The following MAP3K4 variants were observed in gnomAD, a reference collection of about 807,000 sequenced individuals.
MAP3K4 encodes MAP three kinase 1.
A neutral mutation model predicts 185.6 loss-of-function variants in MAP3K4; 67 were observed. The ratio of observed to expected loss-of-function variants is 0.36; its 90% CI spans 0.30 to 0.44. The LOEUF is 0.44. Ranked by LOEUF, MAP3K4 falls within the 20% of genes least tolerant of loss-of-function variation. The pLI is 1.00. For synonymous variants in MAP3K4, 702 were observed against 710.4 expected (o/e 0.99, Z 0.19); for missense variants, 1,551 against 1,995.1 (o/e 0.78, Z 4.24).
intron 2 of MAP3K4, among the ~76,000 whole-genome samples, chr6:161,039,353 A>G (rs1174466162): frequency 1.4e-5 from 2 of 147,266 alleles, no homozygotes; most frequent in Non-Finnish European, 3.0e-5. Flanking sequence ...AACTGAGGGG[A>G]CTATTTAGAG....
chr6:161,021,777 G>A (rs1020334431), intron 1 of MAP3K4, among the ~76,000 whole-genome samples: 5 of 152,170 alleles, frequency 3.3e-5, no homozygotes, highest in African/African-American at 1.2e-4. Flanking sequence ...CCTCTTGTCT[G>A]GTGGGGTCAT....
In MAP3K4 at chr6:161,087,743, A is replaced by G. The variant is rs1455838023; in HGVS notation, c.2612A>G (p.Glu871Gly). The G allele has an allele frequency of 6.2e-7, 1 of 1,613,990 alleles. No homozygotes were observed. Among genetic ancestry groups the G allele is most frequent in the Non-Finnish European group, 8.5e-7 (1 of 1,179,842 alleles). The change falls in exon 10 of 27, where the codon GAG becomes GGG. Residue 871 changes from glutamate (E) to glycine (G), a missense_variant. This residue lies in a region of MAP3K4 where 261 missense variants were observed against 306.5 expected (regional missense o/e 0.85). Coordinates refer to ENST00000392142, the MANE Select transcript of MAP3K4 (RefSeq NM_005922.4). This position sits in a 1 kb window ranked among gnomAD's most constrained non-coding sequence, Gnocchi z 4.9. ...LQMFVPDTLAEEKSIILQLLN... is the reference protein window; with the variant it reads ...LQMFVPDTLAGEKSIILQLLN... ...ATGTTTGTTCCAGACACTCTTGCTG[A>G]GGAGAAGAGTATTATTTTGCAGTTA...
intron 3 of MAP3K4, among the ~76,000 whole-genome samples, chr6:161,057,132 A>T (rs935100990): frequency 6.6e-6 from 1 of 152,200 alleles, no homozygotes; most frequent in Non-Finnish European, 1.5e-5. Context: ...AGAAACGATC[A>T]TGTAGTTATT....
rs1363468520 is a variant in MAP3K4 at position 161,093,392 on chromosome 6, G to C, written c.3348+336G>C. On this transcript the variant is annotated intron_variant, in intron 14 of 26. Transcript: ENST00000392142. This position sits in a 1 kb window ranked among gnomAD's most constrained non-coding sequence, Gnocchi z 5.2. Reference sequence around the variant, plus strand: ...TTTACCTCAGTGTGCATCATTTTGAGAGCATCATGCTCGTGTTAAATATTA... The same window carrying C: ...TTTACCTCAGTGTGCATCATTTTGACAGCATCATGCTCGTGTTAAATATTA... 6.6e-6 allele frequency among the ~76,000 whole-genome samples: 1 copy of C among 152,108 alleles called. No individual in the cohort carries two copies. Among genetic ancestry groups the C allele is most frequent in the Non-Finnish European group, 1.5e-5 (1 of 68,016 alleles).
chr6:161,055,984 T>A (rs566399629), intron 3 of MAP3K4, among the ~76,000 whole-genome samples: 2 of 152,220 alleles, frequency 1.3e-5, no homozygotes, highest in South Asian at 4.1e-4. Context: ...TTCTCATTTA[T>A]TTGGCCATTT....
Position 161,056,603 on chromosome 6 carries a change from C to T in MAP3K4, c.1707+6624C>T, listed in dbSNP as rs1372816596. 2.0e-5 allele frequency among the ~76,000 whole-genome samples: 3 copies of T among 152,172 alleles called. No homozygotes were observed. Among genetic ancestry groups the T allele is most frequent in the South Asian group, 2.1e-4 (1 of 4,832 alleles). On this transcript the variant is annotated intron_variant, in intron 3 of 26. Transcript: ENST00000392142. This position sits in a 1 kb window ranked among gnomAD's most constrained non-coding sequence, Gnocchi z 5.4. ...TACATGTTTGTTCAACCCTACCATACGTGTAAAGTAGTTTCAGAATTGCTA... is the reference window on the plus strand; with the variant it reads ...TACATGTTTGTTCAACCCTACCATATGTGTAAAGTAGTTTCAGAATTGCTA...
At chr6:161,035,212 A>G (rs1224952125) in intron 2 of MAP3K4, among the ~76,000 whole-genome samples, 1 of 152,166 alleles carries the variant, frequency 6.6e-6, no homozygotes, top group Non-Finnish European at 1.5e-5. Context: ...CCTAAAACAA[A>G]TGCCATATAT....
chr6:161,086,750 A>G lies in MAP3K4; in HGVS notation c.2556+83A>G. On this transcript the variant is annotated intron_variant, in intron 9 of 26. Transcript: ENST00000392142. This position sits in a 1 kb window ranked among gnomAD's most constrained non-coding sequence, Gnocchi z 4.8. Reference sequence around the variant, plus strand: ...CAGGCAGACTTTTTCTTGAAGGTCCAGATAGTAAATATTACAGGCTCTGAA... The same window carrying G: ...CAGGCAGACTTTTTCTTGAAGGTCCGGATAGTAAATATTACAGGCTCTGAA... 2.0e-5 allele frequency: 22 copies of G among 1,102,860 alleles called. No individual in the cohort carries two copies. Among genetic ancestry groups the G allele is most frequent in the Non-Finnish European group, 2.8e-5 (21 of 749,158 alleles). 68.3% of individuals were successfully genotyped at this position (1,102,860 alleles called of 1,614,324 possible).
intron 1 of MAP3K4, among the ~76,000 whole-genome samples, chr6:160,998,851 A>G (rs1350350125): frequency 6.6e-6 from 1 of 152,120 alleles, no homozygotes; most frequent in East Asian, 1.9e-4. Context: ...GCATTTTTAG[A>G]CCCCTGCAGA....
chr6:161,027,209 T>G (rs1402962804), intron 1 of MAP3K4, among the ~76,000 whole-genome samples: 1 of 152,216 alleles, frequency 6.6e-6, no homozygotes, highest in Non-Finnish European at 1.5e-5. Flanking sequence ...ATACAGAATG[T>G]GATACAGGCA....
Position 161,082,799 on chromosome 6 carries a change from G to C in MAP3K4, c.2256-1702G>C, listed in dbSNP as rs568820548. Among the ~76,000 whole-genome samples the C allele has an allele frequency of 6.6e-6, 1 of 152,232 alleles. No homozygotes were observed. Among genetic ancestry groups the C allele is most frequent in the African/African-American group, 2.4e-5 (1 of 41,538 alleles). On this transcript the variant is annotated intron_variant, in intron 6 of 26. Coordinates refer to ENST00000392142, the MANE Select transcript of MAP3K4 (RefSeq NM_005922.4). The surrounding 1 kb of genome is among the most constrained non-coding windows in gnomAD (Gnocchi z 4.2). ...GTCATTTCTCACGTATGTTATTGCA[G>C]TAGCTCTCTAAACAGTCTCCCTACT... is the stretch of plus-strand genomic sequence containing the variant.
rs1388755950 is a variant in MAP3K4 at position 161,054,699 on chromosome 6, A to G, written c.1707+4720A>G. 1.3e-5 allele frequency among the ~76,000 whole-genome samples: 2 copies of G among 152,232 alleles called. No homozygotes were observed. The highest frequency in any genetic ancestry group is 2.9e-5 in the Non-Finnish European group (2 of 68,046). ...TTGAAACAAATGGATTAGTTTCCAG[A>G]GTCCACTTGAATAGGCAGTTGTTTG... On this transcript the variant is annotated intron_variant, in intron 3 of 26. Coordinates refer to ENST00000392142, the MANE Select transcript of MAP3K4 (RefSeq NM_005922.4). The surrounding 1 kb of genome is among the most constrained non-coding windows in gnomAD (Gnocchi z 4.2).
chr6:161,011,605 G>A (rs1781845007), intron 1 of MAP3K4, among the ~76,000 whole-genome samples: 1 of 152,216 alleles, frequency 6.6e-6, no homozygotes, highest in Non-Finnish European at 1.5e-5. Context: ...AAACCGTCAT[G>A]AAAGTTCAAC....
intron 1 of MAP3K4, among the ~76,000 whole-genome samples, chr6:160,993,452 A>G (rs1186761783): frequency 6.6e-6 from 1 of 152,144 alleles, no homozygotes; most frequent in Non-Finnish European, 1.5e-5. Context: ...CAACAACTCT[A>G]TGAGGTAGGT....
At chr6:161,025,926 G>T (rs911288306) in intron 1 of MAP3K4, among the ~76,000 whole-genome samples, 7 of 151,980 alleles carry the variant, frequency 4.6e-5, no homozygotes, top group Admixed American at 3.3e-4. Context: ...GTTCTCTTTA[G>T]TTAAGCCTAA....
In MAP3K4 at chr6:161,067,377, C is replaced by T; in HGVS notation, c.1708-3231C>T. The stretch of plus-strand genomic sequence containing the variant: ...CATCGATCTCAGTGAGCAGAGGGAA[C>T]AGGATGGGAGGCAGGTTTACCCTAA... On this transcript the variant is annotated intron_variant, in intron 3 of 26. Coordinates refer to ENST00000392142, the MANE Select transcript of MAP3K4 (RefSeq NM_005922.4). The surrounding 1 kb of genome is among the most constrained non-coding windows in gnomAD (Gnocchi z 6.3). 1 of 278,942 alleles carries T rather than the reference C, an allele frequency of 3.6e-6. No individual in the cohort carries two copies. Among genetic ancestry groups the T allele is most frequent in the East Asian group, 1.2e-4 (1 of 8,200 alleles). The allele number at this position is 278,942 out of a possible 1,614,324, so 17.3% of individuals were successfully genotyped here. A position where few individuals can be genotyped will look rare whatever the true frequency, so the allele number is the denominator to read the frequency against.
At position 161,087,972 on chromosome 6, in the gene MAP3K4, C is replaced by A. The variant is rs769528708; in HGVS notation, c.2823+18C>A. The stretch of plus-strand genomic sequence containing the variant: ...GCATGCAGGTACAGCTCATCTCCAT[C>A]TTTGCAGCAGTGTTACTTCAAGGAC... On this transcript the variant is annotated intron_variant, in intron 10 of 26. Transcript: ENST00000392142. The surrounding 1 kb of genome is among the most constrained non-coding windows in gnomAD (Gnocchi z 4.9). The A allele has an allele frequency of 4.4e-6, 7 of 1,595,540 alleles. No homozygotes were observed. The South Asian group carries it at 8.0e-5, about 18-fold the overall frequency.
At position 161,088,509 on chromosome 6, in the gene MAP3K4, T is replaced by C. The variant is rs1280151796; in HGVS notation, c.2823+555T>C. Among the ~76,000 whole-genome samples, 1 of 152,194 alleles carries C rather than the reference T, an allele frequency of 6.6e-6. No homozygotes were observed. The highest frequency in any genetic ancestry group is 2.4e-5 in the African/African-American group (1 of 41,444). The stretch of plus-strand genomic sequence containing the variant: ...CAGAACTGAGTATACACTGGCCTGC[T>C]GTATCCCTCACCCCAACAACTCTGC... On this transcript the variant is annotated intron_variant, in intron 10 of 26. Transcript: ENST00000392142. The surrounding 1 kb of genome is among the most constrained non-coding windows in gnomAD (Gnocchi z 4.5).
At position 161,087,250 on chromosome 6, in the gene MAP3K4, CA is replaced by C. The variant is rs1785773665; in HGVS notation, c.2557-436del. Among the ~76,000 whole-genome samples, 1 of 152,188 alleles carries C rather than the reference CA, an allele frequency of 6.6e-6. No homozygotes were observed. ...TGTGTACCCTTTGAGAAACTGATCT[CA>C]AGGAGCCTTCTTGTGATGAACCCCT... On this transcript the variant is annotated intron_variant, in intron 9 of 26. Transcript: ENST00000392142. This position sits in a 1 kb window ranked among gnomAD's most constrained non-coding sequence, Gnocchi z 4.9.
Sources: allele counts gnomAD v4.1 joint callset (sites outside exome capture counted in the v4.1 genomes callset), GRCh38; gene constraint gnomAD v4.1.1; regional missense constraint gnomAD v4.1.1; non-coding constraint Gnocchi (gnomAD v3.1); transcripts MANE v1.5; gene names NCBI Gene and HGNC (gene_info 2026-07-23, HGNC 2026-07-21).